Variants in BCAS1 observed in about 807,000 individuals in gnomAD.
BCAS1 encodes breast carcinoma-amplified sequence 1.
A neutral mutation model predicts 65.4 loss-of-function variants in BCAS1; 46 were observed. The observed-to-expected ratio is 0.70, with a 90% CI of 0.55 to 0.90. The LOEUF (loss-of-function observed/expected upper bound fraction) is 0.90, where lower values mean the gene tolerates loss of function less well. Among genes scored for constraint, BCAS1 ranks in the 40% least tolerant of loss-of-function variants. The probability of loss-of-function intolerance (pLI) is 0.00; values close to 1 mark genes in which losing one functional copy is unlikely to be tolerated. For missense variants in BCAS1, 793 were observed against 771.2 expected (o/e 1.03, Z -0.33); for synonymous variants, 298 against 293.5 (o/e 1.02, Z -0.16).
intron 10 of BCAS1, among the ~76,000 whole-genome samples, chr20:53,962,979 T>G (rs1233524078): frequency 6.6e-6 from 1 of 151,894 alleles, no homozygotes; most frequent in Non-Finnish European, 1.5e-5. Flanking sequence ...GCCTCCTGAG[T>G]AGCTGGGACT....
intron 7 of BCAS1, among the ~76,000 whole-genome samples, chr20:53,989,180 T>C (rs1316829930): frequency 6.6e-6 from 1 of 151,958 alleles, no homozygotes; most frequent in Non-Finnish European, 1.5e-5. Context: ...TCTAAAAAAG[T>C]ATCATGGTGA....
chr20:54,025,274 G>T (rs1024093595), intron 4 of BCAS1, among the ~76,000 whole-genome samples: 8 of 152,136 alleles, frequency 5.3e-5, no homozygotes, highest in Non-Finnish European at 1.0e-4. Flanking sequence ...TTTTGTGTGT[G>T]TGTGTGTTGA....
intron 8 of BCAS1, among the ~76,000 whole-genome samples, chr20:53,978,777 T>A (rs1399359897): frequency 6.6e-6 from 1 of 152,200 alleles, no homozygotes; most frequent in Non-Finnish European, 1.5e-5. Flanking sequence ...CTGATCCCCC[T>A]TTAGTGTTTG....
At chr20:53,964,490 C>G (rs371526473) in intron 10 of BCAS1, among the ~76,000 whole-genome samples, 2 of 152,200 alleles carry the variant, frequency 1.3e-5, no homozygotes, top group East Asian at 3.8e-4. Flanking sequence ...TGTTCCCAGG[C>G]CTTTTCGTGG....
chr20:54,052,515 G>A (rs948059890), intron 3 of BCAS1, among the ~76,000 whole-genome samples: 1 of 152,140 alleles, frequency 6.6e-6, no homozygotes, highest in Non-Finnish European at 1.5e-5. Flanking sequence ...TTGAAACTTA[G>A]TTACCATGTG....
chr20:53,994,905 A>G, intron 6 of BCAS1, 107 bp downstream of exon 6: 1 of 859,066 alleles, frequency 1.2e-6, no homozygotes, highest in Non-Finnish European at 1.9e-6. Context: ...ACACACACAC[A>G]CACACACACA....
chr20:54,064,678 C>G (rs549083101), intron 1 of BCAS1, among the ~76,000 whole-genome samples: 1 of 152,328 alleles, frequency 6.6e-6, no homozygotes, highest in East Asian at 1.9e-4. Flanking sequence ...CTCTTGAGAA[C>G]AAGAGATCTG....
intron 4 of BCAS1, among the ~76,000 whole-genome samples, chr20:54,000,158 C>A (rs189562030): frequency 6.5e-4 from 99 of 152,316 alleles, no homozygotes; most frequent in Non-Finnish European, 1.1e-3. Flanking sequence ...TAATATATTA[C>A]TGGCTCCTCT....
At chr20:54,048,737 T>G (rs548810999) in intron 3 of BCAS1, among the ~76,000 whole-genome samples, 22 of 152,358 alleles carry the variant, frequency 1.4e-4, no homozygotes, top group African/African-American at 5.3e-4. Flanking sequence ...CAGGGTTGCA[T>G]TCCTTGAAGC....
intron 12 of BCAS1, 128 bp from the exon 13 acceptor site, chr20:53,945,124 G>T (rs996775418): frequency 6.1e-6 from 5 of 819,486 alleles, no homozygotes; most frequent in African/African-American, 5.0e-5. Context: ...ATTCCTCAGT[G>T]CTGGGTAAGA....
intron 8 of BCAS1, among the ~76,000 whole-genome samples, chr20:53,976,264 A>G (rs557130018): frequency 3.9e-4 from 59 of 152,336 alleles, no homozygotes; most frequent in Middle Eastern, 3.4e-3. Context: ...GTTACAGACC[A>G]CTTTGAGACT....
chr20:54,027,365 T>G (rs1256902097), intron 4 of BCAS1, among the ~76,000 whole-genome samples: 1 of 152,202 alleles, frequency 6.6e-6, no homozygotes, highest in African/African-American at 2.4e-5. Flanking sequence ...GGAAAATAAT[T>G]TACGTACAGT....
intron 10 of BCAS1, among the ~76,000 whole-genome samples, chr20:53,958,193 G>A (rs2089761596): frequency 6.6e-6 from 1 of 152,200 alleles, no homozygotes; most frequent in South Asian, 2.1e-4. Flanking sequence ...GTGGTGCTGA[G>A]GATTGTCTGA....
In BCAS1 at chr20:54,036,514, C is replaced by T. The variant is rs1261957674; in HGVS notation, c.143-7542G>A. On this transcript the variant is annotated intron_variant, in intron 3 of 12. Transcript: ENST00000688948. Reference sequence around the variant, plus strand: ...TGTTAAGAACTTGGATTGTGGATCACAGGAACCTGGCTTTGACTCTTAACT... The same window carrying T: ...TGTTAAGAACTTGGATTGTGGATCATAGGAACCTGGCTTTGACTCTTAACT... 1.3e-5 allele frequency among the ~76,000 whole-genome samples: 2 copies of T among 151,268 alleles called. 1 individual carries two copies. Among genetic ancestry groups the T allele is most frequent in the Non-Finnish European group, 3.0e-5 (2 of 67,634 alleles).
rs781222758 is a variant in BCAS1, at chr20:53,953,454, A to G, written c.1793T>C (p.Leu598Pro). The G allele has an allele frequency of 6.2e-7, 1 of 1,614,072 alleles. No homozygotes were observed. The highest frequency in any genetic ancestry group is 8.5e-7 in the Non-Finnish European group (1 of 1,180,016). Residue 598 changes from leucine to proline, a missense_variant, in exon 12 of 13, where the codon CTT becomes CCT. Physicochemically the swap from Leu to Pro is moderately conservative, Grantham distance 98 (BLOSUM62 -3). Coordinates refer to ENST00000688948, the MANE Select transcript of BCAS1 (RefSeq NM_001366298.2). Reference protein sequence around the residue: ...QKRPEKRQQSLGGFFKGLGPK... With the variant: ...QKRPEKRQQSPGGFFKGLGPK... ...TACCAGGCCTTTAAAGAAGCCCCCAAGGGACTGCTGCCGCTTCTCAGGTCT... is the reference window on the plus strand; with the variant it reads ...TACCAGGCCTTTAAAGAAGCCCCCAGGGGACTGCTGCCGCTTCTCAGGTCT...
chr20:54,044,482 CA>C (rs2092059859), intron 3 of BCAS1, among the ~76,000 whole-genome samples: 1 of 152,086 alleles, frequency 6.6e-6, no homozygotes, highest in African/African-American at 2.4e-5. Flanking sequence ...ATGGTAAGTA[CA>C]AAAAAGTCCT....
intron 4 of BCAS1, among the ~76,000 whole-genome samples, chr20:54,009,900 A>G (rs901480098): frequency 3.9e-5 from 6 of 152,212 alleles, no homozygotes; most frequent in African/African-American, 1.4e-4. Context: ...GGGATTTACT[A>G]TAGGTTTGCA....
chr20:54,058,421 G>T (rs1225035696), intron 2 of BCAS1, among the ~76,000 whole-genome samples: 1 of 151,928 alleles, frequency 6.6e-6, no homozygotes, highest in Non-Finnish European at 1.5e-5. Context: ...CCCGTCGCAC[G>T]GAGGGGACCC....
At chr20:54,042,902 A>T (rs1312721941) in intron 3 of BCAS1, among the ~76,000 whole-genome samples, 1 of 152,226 alleles carries the variant, frequency 6.6e-6, no homozygotes, top group Non-Finnish European at 1.5e-5. Context: ...TCAGCTTTGA[A>T]TGGAGGGGCT....
Sources: gnomAD v4.1 joint callset for allele counts (sites outside exome capture counted in the v4.1 genomes callset) on GRCh38, gnomAD v4.1.1 for gene constraint, MANE v1.5 for transcripts, NCBI Gene and HGNC (gene_info 2026-07-23, HGNC 2026-07-21) for gene names.